Variants in MEGF10 observed in about 807,000 individuals in gnomAD.
The protein encoded by MEGF10 is multiple epidermal growth factor-like domains protein 10.
Under a neutral mutation model 147.5 loss-of-function variants are expected in MEGF10, and 86 were observed. That is an observed-to-expected ratio of 0.58 (90% CI 0.49 to 0.70). The LOEUF (loss-of-function observed/expected upper bound fraction) is 0.70, where lower values mean the gene tolerates loss of function less well. MEGF10 is among the 30% of genes least tolerant of loss of function. The pLI is 0.00. For missense variants in MEGF10, 1,329 were observed against 1,487.3 expected (o/e 0.89, Z 1.75); for synonymous variants, 478 against 525.5 (o/e 0.91, Z 1.24).
Position 127,443,064 on chromosome 5 carries a change from G to A in MEGF10, c.2429G>A (p.Cys810Tyr). Residue 810 changes from cysteine (C) to tyrosine (Y), a missense_variant, in exon 19 of 25, where the codon TGC (cysteine) becomes TAC (tyrosine). Transcript: ENST00000503335. ...TGTGATTGTCTGAACAACTCCACCT[G>A]CGACCACATCACTGGGACCTGTTAC... ...QICDCLNNST[C>Y]DHITGTCYCS... 6.2e-7 allele frequency: 1 copy of A among 1,613,842 alleles called. No individual in the cohort carries two copies. The highest frequency in any genetic ancestry group is 8.5e-7 in the Non-Finnish European group (1 of 1,179,776).
chr5:127,239,142 G>A, the MEGF10 span, among the ~76,000 whole-genome samples: 2 of 151,948 alleles, frequency 1.3e-5, no homozygotes, highest in Admixed American at 1.3e-4. Context: ...AGACACAAAC[G>A]CTGAGGAACG....
At chr5:127,254,948 C>G in the MEGF10 span, among the ~76,000 whole-genome samples, 1 of 151,096 alleles carries the variant, frequency 6.6e-6, no homozygotes, top group East Asian at 2.0e-4. Flanking sequence ...TAATGTAGAA[C>G]TAGCCAAGCA....
At chr5:127,345,510 A>C (rs1361263936) in intron 4 of MEGF10, among the ~76,000 whole-genome samples, 1 of 152,194 alleles carries the variant, frequency 6.6e-6, no homozygotes, top group Admixed American at 6.5e-5. Flanking sequence ...ATTAGAAAAA[A>C]AGAAAGGATT....
chr5:127,267,771 C>T, the MEGF10 span, among the ~76,000 whole-genome samples: 1 of 151,830 alleles, frequency 6.6e-6, no homozygotes, highest in Non-Finnish European at 1.5e-5. Context: ...TGGTGATATC[C>T]CCTTTATCAT....
chr5:127,251,984 A>G, the MEGF10 span, among the ~76,000 whole-genome samples: 1 of 151,970 alleles, frequency 6.6e-6, no homozygotes, highest in African/African-American at 2.4e-5. Context: ...TTTATAGAAA[A>G]AGAAATACAA....
intron 5 of MEGF10, among the ~76,000 whole-genome samples, chr5:127,384,245 G>T (rs1194174951): frequency 6.6e-6 from 1 of 152,194 alleles, no homozygotes; most frequent in East Asian, 1.9e-4. Context: ...ACATGTCTTG[G>T]TAAGGAGCAA....
chr5:127,247,788 A>G, the MEGF10 span, among the ~76,000 whole-genome samples: 13 of 152,034 alleles, frequency 8.6e-5, no homozygotes, highest in African/African-American at 3.1e-4. Flanking sequence ...AGTCTGATTG[A>G]GCTGAGGGGG....
At chr5:127,324,132 A>G (rs1384939081) in intron 1 of MEGF10, among the ~76,000 whole-genome samples, 2 of 152,104 alleles carry the variant, frequency 1.3e-5, no homozygotes, top group Non-Finnish European at 2.9e-5. Context: ...GGGTATAATT[A>G]TGGTTGCTGT....
At chr5:127,337,826 G>A (rs929072166) in intron 2 of MEGF10, among the ~76,000 whole-genome samples, 1 of 152,080 alleles carries the variant, frequency 6.6e-6, no homozygotes, top group Non-Finnish European at 1.5e-5. Flanking sequence ...ACATCTCCCA[G>A]TTTCTCAGTG....
intron 7 of MEGF10, among the ~76,000 whole-genome samples, chr5:127,400,583 G>C (rs1176629092): frequency 6.6e-6 from 1 of 152,250 alleles, no homozygotes; most frequent in African/African-American, 2.4e-5. Context: ...TGGAGCAGCA[G>C]AGTGTTGAGA....
chr5:127,310,133 G>A (rs533429407), intron 1 of MEGF10, among the ~76,000 whole-genome samples: 30 of 149,144 alleles, frequency 2.0e-4, no homozygotes, highest in African/African-American at 6.2e-4. Flanking sequence ...TGAAGTTATC[G>A]CATTGTGGTT....
At chr5:127,272,565 G>A in the MEGF10 span, among the ~76,000 whole-genome samples, 11 of 152,258 alleles carry the variant, frequency 7.2e-5, no homozygotes, top group African/African-American at 2.6e-4. Context: ...CATGAGCATG[G>A]GATGTTTTTC....
chr5:127,236,173 A>G, the MEGF10 span, among the ~76,000 whole-genome samples: 12 of 152,116 alleles, frequency 7.9e-5, no homozygotes, highest in African/African-American at 2.7e-4. Flanking sequence ...GGGTTTCACC[A>G]TGTTGGCCAG....
chr5:127,263,508 T>G, the MEGF10 span, among the ~76,000 whole-genome samples: 995 of 152,272 alleles, frequency 6.5e-3, 10 homozygotes, highest in African/African-American at 0.023. Context: ...CTTTAATTTA[T>G]TTAGCTTAAG....
At chr5:127,394,161 C>A (rs1417400150) in intron 5 of MEGF10, among the ~76,000 whole-genome samples, 1 of 152,050 alleles carries the variant, frequency 6.6e-6, no homozygotes, top group Non-Finnish European at 1.5e-5. Flanking sequence ...TCAACTAATT[C>A]TCTACTGAAC....
rs908702739 is a variant in MEGF10 at position 127,460,780 on chromosome 5, G to A, written c.*3462G>A. The A allele has an allele frequency of 1.3e-5, 2 of 151,996 alleles. No individual in the cohort carries two copies. The highest frequency in any genetic ancestry group is 6.6e-5 in the Admixed American group (1 of 15,260). 9.4% of individuals were successfully genotyped at this position (151,996 alleles called of 1,614,324 possible). On this transcript the variant is annotated 3_prime_UTR_variant, in exon 25 of 25. Coordinates refer to ENST00000503335, the MANE Select transcript of MEGF10 (RefSeq NM_001256545.2). ...TAAAATAATGAATTTTCTATCTCTA[G>A]GCAACATGTCTTTATTATTCAAGCT... is the stretch of plus-strand genomic sequence containing the variant.
intron 4 of MEGF10, among the ~76,000 whole-genome samples, chr5:127,349,017 C>CA (rs1415450469): frequency 2.7e-5 from 4 of 150,918 alleles, no homozygotes; most frequent in African/African-American, 9.7e-5. Context: ...GAATCCATCT[C>CA]AAAAAAAAAT....
intron 4 of MEGF10, among the ~76,000 whole-genome samples, chr5:127,340,851 A>G (rs1761652452): frequency 6.6e-6 from 1 of 152,138 alleles, no homozygotes; most frequent in Admixed American, 6.6e-5. Flanking sequence ...TAAGGTGAAA[A>G]CAGCTGTTAC....
At chr5:127,417,107 C>T (rs1764805484) in intron 9 of MEGF10, among the ~76,000 whole-genome samples, 1 of 152,222 alleles carries the variant, frequency 6.6e-6, no homozygotes, top group African/African-American at 2.4e-5. Flanking sequence ...GCGTGCATCT[C>T]AGCGCAGCTG....
Sources: gnomAD v4.1 joint callset for allele counts (sites outside exome capture counted in the v4.1 genomes callset) on GRCh38, gnomAD v4.1.1 for gene constraint, MANE v1.5 for transcripts, NCBI Gene and HGNC (gene_info 2026-07-23, HGNC 2026-07-21) for gene names.